The following SGIP1 variants were observed in gnomAD, a reference collection of about 807,000 sequenced individuals.
The protein encoded by SGIP1 is SH3-containing GRB2-like protein 3-interacting protein 1.
A neutral mutation model predicts 107.5 loss-of-function variants in SGIP1; 38 were observed. That is an observed-to-expected ratio of 0.35 (90% CI 0.27 to 0.46). SGIP1 has a LOEUF of 0.46. SGIP1 is among the 20% of genes least tolerant of loss of function. The pLI is 1.00. For synonymous variants in SGIP1, 365 were observed against 366.1 expected (o/e 1.00, Z 0.03); for missense variants, 929 against 1,019.5 (o/e 0.91, Z 1.21).
intron 1 of SGIP1, among the ~76,000 whole-genome samples, chr1:66,551,296 G>A (rs958865205): frequency 2.6e-5 from 4 of 152,088 alleles, no homozygotes; most frequent in African/African-American, 9.7e-5. Context: ...GCCATTTTCA[G>A]CACTTAAAGC....
chr1:66,554,009 C>T (rs773738945), intron 1 of SGIP1, among the ~76,000 whole-genome samples: 5 of 152,178 alleles, frequency 3.3e-5, no homozygotes, highest in African/African-American at 7.2e-5. Flanking sequence ...TTGGTTTATG[C>T]GGCAGTCATC....
chr1:66,625,395 C>T (rs967184995), intron 1 of SGIP1, among the ~76,000 whole-genome samples: 4 of 152,196 alleles, frequency 2.6e-5, no homozygotes, highest in Admixed American at 2.6e-4. Context: ...GATGGGAATA[C>T]GAGACACAAA....
intron 4 of SGIP1, among the ~76,000 whole-genome samples, chr1:66,637,821 A>G (rs72669456): frequency 0.15 from 22,229 of 149,556 alleles, 1,741 homozygotes; most frequent in Admixed American, 0.18. Flanking sequence ...GTATGTATAT[A>G]TGTGTGTACA....
At chr1:66,702,795 G>C (rs147085081) in intron 18 of SGIP1, among the ~76,000 whole-genome samples, 2 of 152,084 alleles carry the variant, frequency 1.3e-5, no homozygotes, top group African/African-American at 4.8e-5. Flanking sequence ...AAGGCCAATA[G>C]GTTTAAAATA....
intron 8 of SGIP1, among the ~76,000 whole-genome samples, chr1:66,661,842 G>A (rs756556530): frequency 2.6e-5 from 4 of 151,886 alleles, no homozygotes; most frequent in Admixed American, 6.6e-5. Context: ...TGTCCTTCAC[G>A]GCAATTTTAA....
chr1:66,554,840 C>A (rs2057955561), intron 1 of SGIP1, among the ~76,000 whole-genome samples: 1 of 152,090 alleles, frequency 6.6e-6, no homozygotes, highest in African/African-American at 2.4e-5. Context: ...ATCGTTCCAA[C>A]TTTGCTACCG....
chr1:66,686,140 A>G (rs2088171805), intron 15 of SGIP1, among the ~76,000 whole-genome samples: 1 of 152,246 alleles, frequency 6.6e-6, no homozygotes, highest in Admixed American at 6.5e-5. Flanking sequence ...TGTGGTCACA[A>G]AGCTAGTAAG....
chr1:66,589,214 ATATG>A (rs2063201472), intron 1 of SGIP1, among the ~76,000 whole-genome samples: 1 of 91,354 alleles, frequency 1.1e-5, no homozygotes, highest in Non-Finnish European at 2.2e-5. Flanking sequence ...ATATATATAT[ATATG>A]TAAGGCTTGG....
chr1:66,552,054 C>T (rs533921572), intron 1 of SGIP1, among the ~76,000 whole-genome samples: 6 of 152,080 alleles, frequency 3.9e-5, no homozygotes, highest in Non-Finnish European at 7.4e-5. Flanking sequence ...GCTCAAGATC[C>T]CATGCACGGC....
At chr1:66,615,353 G>C (rs894775504) in intron 1 of SGIP1, among the ~76,000 whole-genome samples, 6 of 151,948 alleles carry the variant, frequency 3.9e-5, no homozygotes, top group Non-Finnish European at 5.9e-5. Flanking sequence ...AACTGTTCTC[G>C]AACTCCTGAC....
chr1:66,692,130 C>T (rs1194285304), intron 17 of SGIP1, among the ~76,000 whole-genome samples: 1 of 145,100 alleles, frequency 6.9e-6, no homozygotes, highest in Non-Finnish European at 1.5e-5. Context: ...CTGCATACTC[C>T]AGCCTAGGCG....
intron 7 of SGIP1, among the ~76,000 whole-genome samples, chr1:66,656,099 A>G (rs2079725619): frequency 6.6e-6 from 1 of 152,168 alleles, no homozygotes; most frequent in Middle Eastern, 3.2e-3. Flanking sequence ...GCTTTTTTCT[A>G]TTAAAAATTT....
intron 18 of SGIP1, among the ~76,000 whole-genome samples, chr1:66,706,585 C>G (rs1197193396): frequency 2.0e-5 from 3 of 151,080 alleles, no homozygotes; most frequent in Non-Finnish European, 4.4e-5. Context: ...ATGTAGAAAT[C>G]TCAATATTTA....
At chr1:66,625,947 A>G (rs769875164) in intron 2 of SGIP1, 37 bp downstream of exon 2, 6 of 1,562,778 alleles carry the variant, frequency 3.8e-6, no homozygotes, top group South Asian at 2.3e-5. Flanking sequence ...CGAAGAAGCT[A>G]TTTGCATAAG....
intron 5 of SGIP1, among the ~76,000 whole-genome samples, chr1:66,640,490 G>C (rs2076572435): frequency 6.6e-6 from 1 of 152,154 alleles, no homozygotes; most frequent in Non-Finnish European, 1.5e-5. Flanking sequence ...AGGCTAACAG[G>C]CTGAACATTT....
chr1:66,723,930 A>G (rs545945704), intron 19 of SGIP1, among the ~76,000 whole-genome samples: 3 of 152,304 alleles, frequency 2.0e-5, no homozygotes, highest in African/African-American at 7.2e-5. Flanking sequence ...GAAACCAAGG[A>G]AGGCTAAATG....
chr1:66,545,768 G>T (rs562323962), intron 1 of SGIP1, among the ~76,000 whole-genome samples: 162 of 152,044 alleles, frequency 1.1e-3, no homozygotes, highest in African/African-American at 3.4e-3. Context: ...TGTAGCACAG[G>T]CTGGCAGGCC....
intron 21 of SGIP1, among the ~76,000 whole-genome samples, chr1:66,737,861 A>G (rs552485950): frequency 6.6e-6 from 1 of 152,328 alleles, no homozygotes; most frequent in South Asian, 2.1e-4. Context: ...GAGAAGCACA[A>G]CTAGCATTTT....
chr1:66,533,761 A>G (rs1010839151), upstream of SGIP1: 1 of 152,764 alleles, frequency 6.5e-6, no homozygotes, highest in Non-Finnish European at 1.5e-5. Flanking sequence ...AAAAAACAAA[A>G]AAAGAAAGAA....
Sources: gnomAD v4.1 joint callset for allele counts (sites outside exome capture counted in the v4.1 genomes callset) on GRCh38, gnomAD v4.1.1 for gene constraint, MANE v1.5 for transcripts, NCBI Gene and HGNC (gene_info 2026-07-23, HGNC 2026-07-21) for gene names.